Variants in AFF2 observed in about 807,000 individuals in gnomAD.
AFF2 encodes the protein ALF transcription elongation factor 2.
A neutral mutation model predicts 76.9 loss-of-function variants in AFF2; 14 were observed. That is an observed-to-expected ratio of 0.18 (90% CI 0.12 to 0.28). The LOEUF (loss-of-function observed/expected upper bound fraction) is 0.28. Ranked by LOEUF, AFF2 falls within the 10% of genes least tolerant of loss-of-function variation. The pLI is 1.00. For missense variants in AFF2, 868 were observed against 1,001.1 expected, an observed-to-expected ratio of 0.87 and a Z score of 1.79; for synonymous variants, 398 against 366.7, an observed-to-expected ratio of 1.09 and a Z score of -0.98.
intron 3 of AFF2, among the ~76,000 whole-genome samples, chrX:148,802,050 T>A (rs1051574332): frequency 3.6e-5 from 4 of 112,438 alleles, no homozygotes; most frequent in African/African-American, 1.3e-4. Context: ...ACCCCATGCT[T>A]GCTTCCATAC....
chrX:148,953,000 A>G (rs1557286796), intron 9 of AFF2, among the ~76,000 whole-genome samples: 2 of 111,082 alleles, frequency 1.8e-5, no homozygotes, highest in Non-Finnish European at 1.9e-5. Flanking sequence ...CTGGGGGGCC[A>G]GGGTCCTAGG....
chrX:148,909,172 A>G (rs1219460053), intron 9 of AFF2, among the ~76,000 whole-genome samples: 1 of 112,243 alleles, frequency 8.9e-6, no homozygotes, highest in African/African-American at 3.2e-5. Context: ...ATTCAGAGCA[A>G]ACAGATTCGC....
rs782455553 is a variant in AFF2, at chrX:148,601,145, A to C, written c.48-50854A>C. ...GCTCTTTGGGAAGATCTTGCTACTTAAGTACTAATTTCAATTATAGATGTA... is the reference window on the plus strand; with the variant it reads ...GCTCTTTGGGAAGATCTTGCTACTTCAGTACTAATTTCAATTATAGATGTA... On this transcript the variant is annotated intron_variant, in intron 1 of 20. Transcript: ENST00000370460. 1.7e-4 allele frequency among the ~76,000 whole-genome samples: 19 copies of C among 112,696 alleles called. No homozygotes were observed. The East Asian group carries it at 2.0e-3, about 12-fold the overall frequency.
chrX:148,508,997 G>A (rs2070400136), intron 1 of AFF2, among the ~76,000 whole-genome samples: 1 of 111,135 alleles, frequency 9.0e-6, no homozygotes, highest in Non-Finnish European at 1.9e-5. Context: ...CGGGTCAGGA[G>A]CCCTTGTACC....
chrX:148,771,217 C>T (rs1428204470), intron 3 of AFF2, among the ~76,000 whole-genome samples: 1 of 111,805 alleles, frequency 8.9e-6, no homozygotes, highest in Non-Finnish European at 1.9e-5. Flanking sequence ...AAGCCTTAGT[C>T]GTGAGTGAAC....
chrX:148,526,058 A>C (rs1233397800), intron 1 of AFF2, among the ~76,000 whole-genome samples: 2 of 111,590 alleles, frequency 1.8e-5, no homozygotes, highest in African/African-American at 3.3e-5. Context: ...GCTTTGACTC[A>C]ATAAAGTGAT....
intron 9 of AFF2, among the ~76,000 whole-genome samples, chrX:148,947,731 G>A (rs2071917568): frequency 8.9e-6 from 1 of 112,122 alleles, no homozygotes; most frequent in Non-Finnish European, 1.9e-5. Flanking sequence ...AGACAAAAAC[G>A]AAGGAGGAAG....
At chrX:148,837,158 G>C (rs782707448) in intron 4 of AFF2, among the ~76,000 whole-genome samples, 2 of 111,807 alleles carry the variant, frequency 1.8e-5, no homozygotes, top group African/African-American at 3.3e-5. Context: ...CCTCCTGGAA[G>C]CACCAACAAT....
chrX:148,885,864 A>C (rs1477217944), intron 7 of AFF2, 25 bp from the exon 8 acceptor site: 3 of 1,169,627 alleles, frequency 2.6e-6, no homozygotes, highest in African/African-American at 1.8e-5. Flanking sequence ...CTTCTAACTC[A>C]AACACCACTC....
intron 19 of AFF2, among the ~76,000 whole-genome samples, chrX:148,981,528 T>A (rs1557290867): frequency 9.0e-6 from 1 of 111,174 alleles, no homozygotes; most frequent in African/African-American, 3.3e-5. Context: ...ACTGAAGAGA[T>A]GTCTCTTATA....
chrX:148,962,384 A>G (rs1487306930), intron 12 of AFF2, among the ~76,000 whole-genome samples: 2 of 112,073 alleles, frequency 1.8e-5, no homozygotes, highest in African/African-American at 3.2e-5. Context: ...TTCCATAAAA[A>G]TCTAATTAAC....
At chrX:148,909,451 C>G (rs1247623432) in intron 9 of AFF2, among the ~76,000 whole-genome samples, 1 of 111,644 alleles carries the variant, frequency 9.0e-6, no homozygotes, top group African/African-American at 3.3e-5. Context: ...AAAGTTTTGC[C>G]TCCCTCCCCT....
intron 9 of AFF2, among the ~76,000 whole-genome samples, chrX:148,931,742 C>G (rs1434443450): frequency 9.0e-6 from 1 of 111,605 alleles, no homozygotes; most frequent in East Asian, 2.8e-4. Context: ...TTGGGAAATT[C>G]TGATTTTGAC....
chrX:148,758,981 C>G (rs1339793065), intron 3 of AFF2, among the ~76,000 whole-genome samples: 1 of 111,929 alleles, frequency 8.9e-6, no homozygotes, highest in African/African-American at 3.3e-5. Context: ...GCCATGTTGG[C>G]CAGGCTGGTC....
chrX:148,694,810 CTTTT>C (rs34803945), intron 3 of AFF2, among the ~76,000 whole-genome samples: 1 of 49,125 alleles, frequency 2.0e-5, no homozygotes. Flanking sequence ...TCACAAAGCA[CTTTT>C]TTTTTTTTTT....
chrX:148,574,096 G>T (rs967728240), intron 1 of AFF2, among the ~76,000 whole-genome samples: 1 of 111,110 alleles, frequency 9.0e-6, no homozygotes, highest in Non-Finnish European at 1.9e-5. Context: ...GGGTTTTGAT[G>T]ACCTGAATCA....
At chrX:148,508,849 C>G (rs189142900) in intron 1 of AFF2, among the ~76,000 whole-genome samples, 25 of 111,135 alleles carry the variant, frequency 2.2e-4, no homozygotes, top group African/African-American at 7.5e-4. Context: ...TTAATCAGGT[C>G]GTAGAAGCTA....
chrX:148,585,079 C>T (rs190402393), intron 1 of AFF2, among the ~76,000 whole-genome samples: 59 of 112,028 alleles, frequency 5.3e-4, no homozygotes, highest in Admixed American at 2.1e-3. Flanking sequence ...AGCCCTGACT[C>T]CTCTGAGAGT....
At chrX:148,912,400 G>T (rs2071480895) in intron 9 of AFF2, among the ~76,000 whole-genome samples, 1 of 111,120 alleles carries the variant, frequency 9.0e-6, no homozygotes, top group African/African-American at 3.3e-5. Context: ...TTTTTAGTGG[G>T]AGCTAAACAA....
Sources: gnomAD v4.1 joint callset for allele counts (sites outside exome capture counted in the v4.1 genomes callset) on GRCh38, gnomAD v4.1.1 for gene constraint, MANE v1.5 for transcripts, NCBI Gene and HGNC (gene_info 2026-07-23, HGNC 2026-07-21) for gene names.